The following GFPT2 variants were observed in gnomAD, a reference collection of about 807,000 sequenced individuals.
GFPT2 encodes glutamine--fructose-6-phosphate transaminase 2, also known as glutamine--fructose-6-phosphate aminotransferase [isomerizing] 2.
A neutral mutation model predicts 85.6 loss-of-function variants in GFPT2; 62 were observed. The observed-to-expected ratio is 0.72, with a 90% CI of 0.59 to 0.90. The LOEUF (loss-of-function observed/expected upper bound fraction) is 0.90. Ranked by LOEUF, GFPT2 falls within the 40% of genes least tolerant of loss-of-function variation. The probability of loss-of-function intolerance (pLI) is 0.00; values close to 1 mark genes in which losing one functional copy is unlikely to be tolerated. For synonymous variants in GFPT2, 368 were observed against 344.5 expected (o/e 1.07, Z -0.75); for missense variants, 788 against 893.4 (o/e 0.88, Z 1.50).
At position 180,336,506 on chromosome 5, in the gene GFPT2, C is replaced by G. The variant is rs759573961; in HGVS notation, c.187G>C (p.Val63Leu). ...TAAAGTTCTTCATCGAGAGCCTTGA[C>G]TTTCCCCCTTTTCTTGACCAGCTGA... ...HIQLVKKRGK[V>L]KALDEELYKQ... Residue 63 changes from valine (V) to leucine (L), a missense_variant, in exon 3 of 19, where the codon GTC (valine) becomes CTC (leucine). Val to Leu is a conservative substitution (Grantham distance 32, BLOSUM62 1). Coordinates refer to ENST00000253778, the MANE Select transcript of GFPT2 (RefSeq NM_005110.4). The G allele has an allele frequency of 2.5e-6, 4 of 1,608,356 alleles. No individual in the cohort carries two copies. In the East Asian group the frequency reaches 8.9e-5, roughly 36 times the overall value.
intron 1 of GFPT2, among the ~76,000 whole-genome samples, chr5:180,347,341 G>A (rs1581391650): frequency 1.3e-5 from 2 of 152,334 alleles, no homozygotes; most frequent in East Asian, 1.9e-4. Flanking sequence ...CGGCCTGGGG[G>A]CAGAGGCTGC....
At position 180,313,875 on chromosome 5, in the gene GFPT2, T is replaced by C. The variant is rs148353512; in HGVS notation, c.1363A>G (p.Ile455Val). 2.1e-5 allele frequency: 33 copies of C among 1,605,914 alleles called. No homozygotes were observed. The highest frequency in any genetic ancestry group is 3.3e-5 in the Admixed American group (2 of 59,790). ...VGVTNTVGSSISRETDCGVHI... is the reference protein window; with the variant it reads ...VGVTNTVGSSVSRETDCGVHI... ...ACGCCGCAGTCGGTCTCGCGAGAGA[T>C]GGAGCTGCCCACGGTGTTGGTGACG... The change falls in exon 14 of 19, where the codon ATC (isoleucine) becomes GTC (valine). Residue 455 changes from isoleucine (I) to valine (V), a missense_variant. Coordinates refer to ENST00000253778, the MANE Select transcript of GFPT2 (RefSeq NM_005110.4).
At chr5:180,319,034 G>A in intron 9 of GFPT2, 78 bp from the exon 10 acceptor site, 6 of 1,388,054 alleles carry the variant, frequency 4.3e-6, no homozygotes, top group South Asian at 1.2e-5. Context: ...TGGTTCCCAA[G>A]CGTGGAGGCC....
intron 10 of GFPT2, among the ~76,000 whole-genome samples, chr5:180,317,453 G>T (rs1366137808): frequency 6.6e-6 from 1 of 152,102 alleles, no homozygotes; most frequent in African/African-American, 2.4e-5. Flanking sequence ...ATACCCTCCT[G>T]GTTTCCGTAA....
chr5:180,353,000 C>T, intron 1 of GFPT2: 1 of 396,370 alleles, frequency 2.5e-6, no homozygotes, highest in South Asian at 1.1e-4. Context: ...TTGGGCATCC[C>T]CCACCCACAC....
At chr5:180,333,935 G>A (rs1022762633) in intron 4 of GFPT2, among the ~76,000 whole-genome samples, 8 of 152,180 alleles carry the variant, frequency 5.3e-5, no homozygotes, top group Non-Finnish European at 1.0e-4. Context: ...AAGGGCAGGA[G>A]GCTGTGGCTA....
At chr5:180,346,892 G>A (rs1764619822) in intron 1 of GFPT2, among the ~76,000 whole-genome samples, 1 of 152,358 alleles carries the variant, frequency 6.6e-6, no homozygotes, top group African/African-American at 2.4e-5. Context: ...TTTTAAATGA[G>A]CTGAGAACGG....
Position 180,301,498 on chromosome 5 carries a change from T to C in GFPT2, c.*66A>G. ...TGTCCACTTCTCTTCCCATGTAGCA[T>C]CCCTGCTGTTGGGACAGGTCTGGAA... On this transcript the variant is annotated 3_prime_UTR_variant, in exon 19 of 19. Transcript: ENST00000253778. 7.7e-7 allele frequency: 1 copy of C among 1,291,066 alleles called. No homozygotes were observed. The highest frequency in any genetic ancestry group is 1.8e-4 in the Middle Eastern group (1 of 5,456). The allele number at this position is 1,291,066 out of a possible 1,614,324, so 80.0% of individuals were successfully genotyped here.
chr5:180,309,755 G>A (rs2386856), intron 15 of GFPT2, among the ~76,000 whole-genome samples: 47,470 of 151,652 alleles, frequency 0.31, 7,649 homozygotes, highest in East Asian at 0.45. Flanking sequence ...CATCATAAAG[G>A]ATATTACAAA....
intron 1 of GFPT2, among the ~76,000 whole-genome samples, chr5:180,348,753 CTTTTT>C (rs1561885883): frequency 8.1e-6 from 1 of 124,208 alleles, no homozygotes; most frequent in Non-Finnish European, 1.7e-5. Context: ...TTTTTGTTTT[CTTTTT>C]TTGAGACAGG....
chr5:180,303,073 A>G (rs973108016), intron 17 of GFPT2, among the ~76,000 whole-genome samples: 1 of 142,632 alleles, frequency 7.0e-6, no homozygotes, highest in Non-Finnish European at 1.6e-5. Flanking sequence ...ACTAAAAAAT[A>G]CAAAAAATTA....
intron 14 of GFPT2, among the ~76,000 whole-genome samples, 200 bp from the exon 15 acceptor site, chr5:180,312,744 A>G (rs1322511473): frequency 6.6e-6 from 1 of 151,282 alleles, no homozygotes; most frequent in East Asian, 1.9e-4. Flanking sequence ...CACCCTGCCC[A>G]GTTAATTTTT....
At chr5:180,340,905 A>T (rs1263634819) in intron 1 of GFPT2, among the ~76,000 whole-genome samples, 1 of 152,134 alleles carries the variant, frequency 6.6e-6, no homozygotes, top group African/African-American at 2.4e-5. Flanking sequence ...TCCTAGTAAG[A>T]CCACCATGCA....
At position 180,304,958 on chromosome 5, in the gene GFPT2, A is replaced by C; in HGVS notation, c.1675-19T>G. On this transcript the variant is annotated intron_variant, in intron 16 of 18. Transcript: ENST00000253778. ...TAATTTTCTGGAAACAGGAGGTGAG[A>C]TCAGAGTCACACTGGGCAGATGGGG... 1 of 1,584,626 alleles carries C rather than the reference A, an allele frequency of 6.3e-7. No individual in the cohort carries two copies.
chr5:180,334,249 C>T (rs867813521), intron 4 of GFPT2, among the ~76,000 whole-genome samples: 6 of 152,230 alleles, frequency 3.9e-5, no homozygotes, highest in South Asian at 4.1e-4. Context: ...CACCAAGCTG[C>T]TCTGCTGAGC....
At chr5:180,314,208 C>A (rs1561874438) in intron 13 of GFPT2, among the ~76,000 whole-genome samples, 4 of 152,220 alleles carry the variant, frequency 2.6e-5, no homozygotes, top group Admixed American at 2.0e-4. Context: ...GGACCATCGT[C>A]CCCATTTTCC....
Position 180,330,737 on chromosome 5 carries a change from G to A in GFPT2, c.497C>T (p.Thr166Met), listed in dbSNP as rs751259918. ...VFDNRETEDI[T>M]FSTLVERVIQ... is the part of the protein sequence containing the mutation. ...GACTCTCTCGACCAACGTTGAAAAC[G>A]TAATGTCCTCAGTTTCTCTGTTGTC... Residue 166 changes from threonine (T) to methionine (M), a missense_variant, in exon 6 of 19, where the codon ACG becomes ATG. Coordinates refer to ENST00000253778, the MANE Select transcript of GFPT2 (RefSeq NM_005110.4). This position sits in a 1 kb window ranked among gnomAD's most constrained non-coding sequence, Gnocchi z 4.4. 8.1e-6 allele frequency: 13 copies of A among 1,612,830 alleles called. No homozygotes were observed. The highest frequency in any genetic ancestry group is 2.2e-5 in the East Asian group (1 of 44,870).
At chr5:180,350,000 A>G (rs1187379352) in intron 1 of GFPT2, among the ~76,000 whole-genome samples, 1 of 151,930 alleles carries the variant, frequency 6.6e-6, no homozygotes, top group Non-Finnish European at 1.5e-5. Flanking sequence ...TGCCTGGTCC[A>G]TGCTGCCACA....
intron 4 of GFPT2, among the ~76,000 whole-genome samples, chr5:180,332,633 G>T (rs564160597): frequency 6.6e-6 from 1 of 152,276 alleles, no homozygotes; most frequent in Admixed American, 6.5e-5. Flanking sequence ...TGCCTCCCGG[G>T]TTCAAGCGAT....
Sources: allele counts gnomAD v4.1 joint callset (sites outside exome capture counted in the v4.1 genomes callset), GRCh38; gene constraint gnomAD v4.1.1; non-coding constraint Gnocchi (gnomAD v3.1); transcripts MANE v1.5; gene names NCBI Gene and HGNC (gene_info 2026-07-23, HGNC 2026-07-21).